FAF1: variants seen among roughly 807,000 people sequenced by gnomAD.
The protein encoded by FAF1 is Fas associated factor 1.
FAF1 carries 25 observed loss-of-function variants against 92.5 expected under a neutral mutation model. The observed-to-expected ratio is 0.27, with a 90% CI of 0.20 to 0.38. FAF1 has a LOEUF of 0.38. Among genes scored for constraint, FAF1 ranks in the 10% least tolerant of loss-of-function variants. FAF1 has a pLI of 1.00. For missense variants in FAF1, 636 were observed against 793.3 expected (o/e 0.80, Z 2.38); for synonymous variants, 234 against 273.2 (o/e 0.86, Z 1.42).
chr1:50,696,754 C>T (rs925691677), intron 7 of FAF1, among the ~76,000 whole-genome samples: 5 of 152,056 alleles, frequency 3.3e-5, no homozygotes, highest in Non-Finnish European at 5.9e-5. Flanking sequence ...TCCAAAGTAC[C>T]TTCTTTCCTC....
chr1:50,570,403 G>A (rs1051912513), intron 12 of FAF1, among the ~76,000 whole-genome samples: 3 of 152,026 alleles, frequency 2.0e-5, no homozygotes, highest in Non-Finnish European at 4.4e-5. Context: ...TGTGGTAAGC[G>A]ACTGGCTCGC....
intron 1 of FAF1, among the ~76,000 whole-genome samples, chr1:50,925,117 A>C (rs1234136288): frequency 6.6e-6 from 1 of 152,232 alleles, no homozygotes; most frequent in Non-Finnish European, 1.5e-5. Context: ...CATTGGGAAA[A>C]CAACAGTCTC....
rs1646152184 is a variant in FAF1, at chr1:50,439,781, T to C, written c.*1659A>G. On this transcript the variant is annotated 3_prime_UTR_variant, in exon 19 of 19. Transcript: ENST00000396153. ...AGCCATTAGATTAGGAAGATAGGAA[T>C]AGAGCTGGAGAGAAGTGTTCAGTTT... The C allele has an allele frequency of 6.6e-6, 1 of 152,104 alleles. No individual in the cohort carries two copies. Among genetic ancestry groups the C allele is most frequent in the Admixed American group, 6.5e-5 (1 of 15,282 alleles). The allele number at this position is 152,104 out of a possible 1,614,324, so 9.4% of individuals were successfully genotyped here. A position where few individuals can be genotyped will look rare whatever the true frequency, so the allele number is the denominator to read the frequency against.
chr1:50,439,333 C>CTGAGGCCTTTCCCAGTTA lies in FAF1; in HGVS notation c.*2089_*2106dup, dbSNP rs1186463012. On this transcript the variant is annotated 3_prime_UTR_variant, in exon 19 of 19. Transcript: ENST00000396153. ...GTCCTGAGTGAACAGTGACAATTAG[C>CTGAGGCCTTTCCCAGTTA]TGAGGCCTTTCCCAGTTATGAGGCC... 8 of 152,316 alleles carry CTGAGGCCTTTCCCAGTTA rather than the reference C, an allele frequency of 5.3e-5. No individual in the cohort carries two copies. The highest frequency in any genetic ancestry group is 1.9e-4 in the African/African-American group (8 of 41,560). 9.4% of individuals were successfully genotyped at this position (152,316 alleles called of 1,614,324 possible).
At chr1:50,628,487 G>A (rs976347969) in intron 8 of FAF1, among the ~76,000 whole-genome samples, 4 of 152,122 alleles carry the variant, frequency 2.6e-5, no homozygotes, top group Admixed American at 2.6e-4. Flanking sequence ...TTATCTTCAT[G>A]TTTAACTGGG....
chr1:50,879,032 G>A (rs1467663921), intron 1 of FAF1, among the ~76,000 whole-genome samples: 1 of 152,136 alleles, frequency 6.6e-6, no homozygotes, highest in Non-Finnish European at 1.5e-5. Flanking sequence ...GATCACTTGA[G>A]GTCAGGAGTT....
At chr1:50,471,433 C>T (rs908588211) in intron 18 of FAF1, among the ~76,000 whole-genome samples, 5 of 152,154 alleles carry the variant, frequency 3.3e-5, no homozygotes, top group South Asian at 2.1e-4. Context: ...GAAAACCATG[C>T]TGGAGCTTGA....
chr1:50,718,995 T>G (rs1658301462), intron 6 of FAF1, among the ~76,000 whole-genome samples: 1 of 152,222 alleles, frequency 6.6e-6, no homozygotes, highest in Non-Finnish European at 1.5e-5. Flanking sequence ...AATATGTAAA[T>G]GTAATGTTTG....
chr1:50,814,709 T>C (rs955115474), intron 2 of FAF1, among the ~76,000 whole-genome samples: 1 of 152,122 alleles, frequency 6.6e-6, no homozygotes, highest in Non-Finnish European at 1.5e-5. Context: ...TCCAAAGACA[T>C]ACAAATGGCC....
intron 2 of FAF1, among the ~76,000 whole-genome samples, chr1:50,841,137 A>G (rs1644252336): frequency 6.6e-6 from 1 of 152,092 alleles, no homozygotes; most frequent in African/African-American, 2.4e-5. Flanking sequence ...TGGCTCCACT[A>G]CAGCAGTAAG....
intron 8 of FAF1, among the ~76,000 whole-genome samples, chr1:50,605,585 G>A (rs1652339461): frequency 6.6e-6 from 1 of 150,878 alleles, no homozygotes; most frequent in East Asian, 1.9e-4. Flanking sequence ...TTTTCACAGA[G>A]GCCAATAATC....
intron 8 of FAF1, among the ~76,000 whole-genome samples, chr1:50,609,722 A>G (rs1355261515): frequency 6.6e-6 from 1 of 152,058 alleles, no homozygotes; most frequent in African/African-American, 2.4e-5. Flanking sequence ...CACCTGAAAC[A>G]TAAACCAACC....
chr1:50,815,430 G>C (rs1643959561), intron 2 of FAF1, among the ~76,000 whole-genome samples: 1 of 152,124 alleles, frequency 6.6e-6, no homozygotes, highest in Non-Finnish European at 1.5e-5. Flanking sequence ...ATATCCCATG[G>C]TGTATATGTA....
At chr1:50,783,666 G>A (rs1661261838) in intron 4 of FAF1, among the ~76,000 whole-genome samples, 2 of 152,054 alleles carry the variant, frequency 1.3e-5, no homozygotes, top group Admixed American at 6.6e-5. Context: ...TTGAGATCAG[G>A]AGTTTGAGAA....
intron 8 of FAF1, among the ~76,000 whole-genome samples, chr1:50,607,616 G>A (rs1388051882): frequency 6.6e-6 from 1 of 152,030 alleles, no homozygotes; most frequent in Non-Finnish European, 1.5e-5. Context: ...CTATTTCTTA[G>A]GCATGTGAAC....
chr1:50,508,170 C>G (rs1335734029), intron 15 of FAF1, among the ~76,000 whole-genome samples: 1 of 152,174 alleles, frequency 6.6e-6, no homozygotes, highest in Non-Finnish European at 1.5e-5. Flanking sequence ...TAGAAGGTTC[C>G]TTTTTGGTTC....
At chr1:50,617,249 C>T (rs772670735) in intron 8 of FAF1, among the ~76,000 whole-genome samples, 8 of 152,230 alleles carry the variant, frequency 5.3e-5, no homozygotes, top group Admixed American at 3.3e-4. Flanking sequence ...CAGCTTTTGT[C>T]CATTCAGTAT....
rs1357677241 is a variant in FAF1 at position 50,490,491 on chromosome 1, A to AAGG, written c.1653+96_1653+97insCCT. On this transcript the variant is annotated intron_variant, in intron 17 of 18. Coordinates refer to ENST00000396153, the MANE Select transcript of FAF1 (RefSeq NM_007051.3). The stretch of plus-strand genomic sequence containing the variant: ...GAAAGAAGGAAGGAAGGAAGGAAGG[A>AAGG]AAGGAAGGAAGGAAGGAAGGAAGGA... 1.8e-4 allele frequency: 99 copies of AAGG among 559,386 alleles called. 4 individuals carry two copies. In the African/African-American group the frequency reaches 2.1e-3, roughly 12 times the overall value. 34.7% of individuals were successfully genotyped at this position (559,386 alleles called of 1,614,324 possible).
At chr1:50,528,968 G>A (rs1005204888) in intron 15 of FAF1, among the ~76,000 whole-genome samples, 2 of 151,912 alleles carry the variant, frequency 1.3e-5, no homozygotes, top group African/African-American at 4.8e-5. Context: ...TTATTAATGC[G>A]CTATATAATA....
Sources: gnomAD v4.1 joint callset for allele counts (sites outside exome capture counted in the v4.1 genomes callset) on GRCh38, gnomAD v4.1.1 for gene constraint, MANE v1.5 for transcripts, NCBI Gene and HGNC (gene_info 2026-07-23, HGNC 2026-07-21) for gene names.